The following ANKS1B variants were observed in gnomAD, a reference collection of about 807,000 sequenced individuals.
The protein encoded by ANKS1B is ankyrin repeat and sterile alpha motif domain-containing protein 1B.
ANKS1B carries 36 observed loss-of-function variants against 148.3 expected under a neutral mutation model. The ratio of observed to expected loss-of-function variants is 0.24; its 90% CI spans 0.19 to 0.32. ANKS1B has a LOEUF of 0.32. Ranked by LOEUF, ANKS1B falls within the 10% of genes least tolerant of loss-of-function variation. The pLI, the probability that ANKS1B is intolerant of heterozygous loss-of-function variation, is 1.00. For synonymous variants in ANKS1B, 542 were observed against 560.8 expected, an observed-to-expected ratio of 0.97 and a Z score of 0.47; for missense variants, 1,157 against 1,542.6, an observed-to-expected ratio of 0.75 and a Z score of 4.19.
At chr12:99,463,547 G>T (rs2152866719) in intron 10 of ANKS1B, among the ~76,000 whole-genome samples, 1 of 152,314 alleles carries the variant, frequency 6.6e-6, no homozygotes, top group Middle Eastern at 3.4e-3. Context: ...CAAAGAAAGG[G>T]GTGACAGATG....
chr12:99,543,910 A>C (rs2097150000), intron 9 of ANKS1B, among the ~76,000 whole-genome samples: 1 of 152,150 alleles, frequency 6.6e-6, no homozygotes, highest in African/African-American at 2.4e-5. Context: ...GTCTAGTAAC[A>C]CATGAGGAAT....
intron 9 of ANKS1B, among the ~76,000 whole-genome samples, chr12:99,610,878 C>T (rs1185210910): frequency 6.6e-6 from 1 of 151,998 alleles, no homozygotes; most frequent in Non-Finnish European, 1.5e-5. Flanking sequence ...CTTTTCTTCA[C>T]AGCTTAACTA....
chr12:98,863,667 TAAAC>T (rs2099610772), intron 17 of ANKS1B, among the ~76,000 whole-genome samples: 1 of 152,250 alleles, frequency 6.6e-6, no homozygotes, highest in African/African-American at 2.4e-5. Context: ...TGATAGATAT[TAAAC>T]AAATCATGTT....
intron 9 of ANKS1B, among the ~76,000 whole-genome samples, chr12:99,609,041 A>G (rs1335131403): frequency 6.6e-6 from 1 of 152,044 alleles, no homozygotes; most frequent in African/African-American, 2.4e-5. Flanking sequence ...CTCAACAAAA[A>G]TCACACTAAC....
intron 5 of ANKS1B, 59 bp from the exon 6 acceptor site, chr12:99,780,031 TA>T: frequency 4.3e-6 from 5 of 1,158,846 alleles, no homozygotes; most frequent in African/African-American, 1.6e-5. Context: ...CAAAAGATAC[TA>T]TCACTATCTA....
chr12:99,449,280 T>C (rs1367105361), intron 10 of ANKS1B, among the ~76,000 whole-genome samples: 1 of 152,202 alleles, frequency 6.6e-6, no homozygotes, highest in Non-Finnish European at 1.5e-5. Context: ...TTCTGACTCA[T>C]GCAATCCTGT....
chr12:99,000,326 G>A (rs1315015127), intron 17 of ANKS1B, among the ~76,000 whole-genome samples: 2 of 142,794 alleles, frequency 1.4e-5, no homozygotes, highest in African/African-American at 5.3e-5. Context: ...CTGGAGTGCA[G>A]TGGCATAATC....
Position 98,914,201 on chromosome 12 carries a change from C to G in ANKS1B, c.2779-82065G>C, listed in dbSNP as rs537361400. On this transcript the variant is annotated intron_variant, in intron 17 of 26. Coordinates refer to ENST00000683438, the MANE Select transcript of ANKS1B (RefSeq NM_001352186.2). ...ATCTGGTTGATTAAAAGTATGGTAC[C>G]TCCCCACTCTCTCTTGATCCTATTA... 2.6e-5 allele frequency among the ~76,000 whole-genome samples: 4 copies of G among 151,826 alleles called. No homozygotes were observed. The East Asian group carries it at 7.8e-4, about 29-fold the overall frequency.
At chr12:99,152,178 G>A (rs745753605) in intron 15 of ANKS1B, among the ~76,000 whole-genome samples, 37 of 152,080 alleles carry the variant, frequency 2.4e-4, no homozygotes, top group Middle Eastern at 3.4e-3. Context: ...GAAATTAATC[G>A]CTTATGATAC....
intron 1 of ANKS1B, among the ~76,000 whole-genome samples, chr12:99,966,969 G>A (rs2095491842): frequency 6.6e-6 from 1 of 152,154 alleles, no homozygotes; most frequent in Admixed American, 6.5e-5. Context: ...TCTGGGATCA[G>A]AGGAAGATTG....
intron 17 of ANKS1B, among the ~76,000 whole-genome samples, chr12:98,922,388 T>G (rs2099802585): frequency 6.6e-6 from 1 of 152,224 alleles, no homozygotes; most frequent in Non-Finnish European, 1.5e-5. Context: ...ACAACAAAAA[T>G]TCCTGCTCTC....
exon 10 of ANKS1B, chr12:98,735,578 C>T: frequency 2.6e-6 from 2 of 770,980 alleles, no homozygotes; most frequent in Non-Finnish European, 4.9e-6. Flanking sequence ...TTCTGAGTGC[C>T]TCCTCAGTGT....
chr12:99,412,531 T>C (rs1304571596), intron 11 of ANKS1B, among the ~76,000 whole-genome samples: 2 of 152,240 alleles, frequency 1.3e-5, no homozygotes, highest in East Asian at 3.8e-4. Context: ...CATCTTCCCC[T>C]CTTCCACCAG....
chr12:99,628,168 C>T (rs1598397710), intron 9 of ANKS1B, among the ~76,000 whole-genome samples: 1 of 152,040 alleles, frequency 6.6e-6, no homozygotes. Flanking sequence ...CGATTGTCTA[C>T]AGTATTAACC....
At chr12:99,285,994 T>G (rs2079075293) in intron 12 of ANKS1B, among the ~76,000 whole-genome samples, 1 of 151,880 alleles carries the variant, frequency 6.6e-6, no homozygotes, top group African/African-American at 2.4e-5. Context: ...GAATTGCAAT[T>G]TGTGGGCAAG....
intron 10 of ANKS1B, among the ~76,000 whole-genome samples, chr12:99,481,351 C>A (rs145980885): frequency 2.6e-5 from 4 of 151,898 alleles, no homozygotes; most frequent in African/African-American, 9.6e-5. Context: ...ATGCAAAATA[C>A]ATTATTTTGT....
chr12:99,123,076 AC>A (rs1470495512), intron 15 of ANKS1B, among the ~76,000 whole-genome samples: 1 of 151,294 alleles, frequency 6.6e-6, no homozygotes, highest in Admixed American at 6.6e-5. Flanking sequence ...CCCCAAAAAA[AC>A]AAAAATAATT....
intron 9 of ANKS1B, among the ~76,000 whole-genome samples, chr12:99,561,035 A>T (rs1208776177): frequency 6.6e-6 from 1 of 151,144 alleles, no homozygotes; most frequent in East Asian, 1.9e-4. Flanking sequence ...TTTAGTAGAG[A>T]CGGGTTTTCA....
intron 22 of ANKS1B, among the ~76,000 whole-genome samples, chr12:98,786,484 TCTC>T (rs2098795886): frequency 6.6e-6 from 1 of 152,214 alleles, no homozygotes; most frequent in African/African-American, 2.4e-5. Flanking sequence ...TCTTTCTTCT[TCTC>T]CTTTTTAATT....
Sources: allele counts gnomAD v4.1 joint callset (sites outside exome capture counted in the v4.1 genomes callset), GRCh38; gene constraint gnomAD v4.1.1; transcripts MANE v1.5; gene names NCBI Gene and HGNC (gene_info 2026-07-23, HGNC 2026-07-21).